The following TMBIM6 variants were observed in gnomAD, a reference collection of about 807,000 sequenced individuals.
TMBIM6 encodes transmembrane BAX inhibitor motif containing 6.
TMBIM6 carries 13 observed loss-of-function variants against 31.4 expected under a neutral mutation model. That is an observed-to-expected ratio of 0.41 (90% CI 0.27 to 0.66). The LOEUF is 0.66. Ranked by LOEUF, TMBIM6 falls within the 30% of genes least tolerant of loss-of-function variation. The pLI is 0.28. For missense variants in TMBIM6, 275 were observed against 289.5 expected (o/e 0.95, Z 0.36); for synonymous variants, 85 against 101.7 (o/e 0.84, Z 0.99).
At chr12:49,744,866 TTTAGGATTTTGGGGCCTTC>T (rs1273303686) in intron 1 of TMBIM6, among the ~76,000 whole-genome samples, 1 of 152,178 alleles carries the variant, frequency 6.6e-6, no homozygotes, top group Non-Finnish European at 1.5e-5. Context: ...AGATTATGTA[TTTAGGATTTTGGGGCCTTC>T]TTAGGATTCA....
At chr12:49,757,087 G>A (rs547802947) in intron 4 of TMBIM6, among the ~76,000 whole-genome samples, 143 of 151,880 alleles carry the variant, frequency 9.4e-4, no homozygotes, top group African/African-American at 3.1e-3. Flanking sequence ...GACTGGTCTC[G>A]AACTCCTGAC....
chr12:49,761,792 A>T lies in TMBIM6; in HGVS notation c.690+13A>T, dbSNP rs745332132. The T allele has an allele frequency of 2.5e-6, 4 of 1,613,630 alleles. No homozygotes were observed. The highest frequency in any genetic ancestry group is 3.4e-6 in the Non-Finnish European group (4 of 1,179,530). ...CATGAATGAAAAGGTTAGTTAGCCT[A>T]CAACCCAAAGATGAGACAATAATGG... On this transcript the variant is annotated intron_variant, in intron 9 of 9. Coordinates refer to ENST00000267115, the MANE Select transcript of TMBIM6 (RefSeq NM_003217.3).
rs1364017687 is a variant in TMBIM6, at chr12:49,763,367, TAACTC to T, written c.*473_*477del. On this transcript the variant is annotated 3_prime_UTR_variant, in exon 10 of 10. Coordinates refer to ENST00000267115, the MANE Select transcript of TMBIM6 (RefSeq NM_003217.3). ...GAAAGAAGTTCAGTGGTCCCATTGTTAACTCAGCCTCAAATCTCAACTGTCAGGCC... is the reference window on the plus strand; with the variant it reads ...GAAAGAAGTTCAGTGGTCCCATTGTTAGCCTCAAATCTCAACTGTCAGGCC... 1 of 153,964 alleles carries T rather than the reference TAACTC, an allele frequency of 6.5e-6. No homozygotes were observed. The highest frequency in any genetic ancestry group is 2.4e-5 in the African/African-American group (1 of 41,488). 9.5% of individuals were successfully genotyped at this position (153,964 alleles called of 1,614,324 possible).
intron 1 of TMBIM6, among the ~76,000 whole-genome samples, chr12:49,746,802 C>T (rs932211513): frequency 6.6e-6 from 1 of 152,134 alleles, no homozygotes; most frequent in African/African-American, 2.4e-5. Flanking sequence ...AAAAAAACTA[C>T]TGACAAATTA....
rs116927027 is a variant in TMBIM6 at position 49,754,020 on chromosome 12, G to A, written c.165+939G>A. 4.9e-3 allele frequency among the ~76,000 whole-genome samples: 735 copies of A among 151,546 alleles called. 10 individuals are homozygous for A. The East Asian group carries it at 0.054, about 11-fold the overall frequency. On this transcript the variant is annotated intron_variant, in intron 3 of 9. Coordinates refer to ENST00000267115, the MANE Select transcript of TMBIM6 (RefSeq NM_003217.3). ...GGTGAAAAAGTTGAGTCACCCTGCT[G>A]TTGCAGTGTTTTCAGCTGAGGTTGA...
chr12:49,745,735 A>AAAAAAAAAAAAAAAAC (rs375099364), intron 1 of TMBIM6, among the ~76,000 whole-genome samples: 8 of 150,502 alleles, frequency 5.3e-5, no homozygotes, highest in African/African-American at 7.5e-5. Context: ...AAAAAAAAAA[A>AAAAAAAAAAAAAAAAC]CCCAGCACAT....
In TMBIM6 at chr12:49,748,004, A is replaced by C. The variant is rs377302885; in HGVS notation, c.-30-4460A>C. 2.7e-4 allele frequency among the ~76,000 whole-genome samples: 41 copies of C among 152,224 alleles called. No individual in the cohort carries two copies. The East Asian group carries it at 7.9e-3, about 29-fold the overall frequency. On this transcript the variant is annotated intron_variant, in intron 1 of 9. Coordinates refer to ENST00000267115, the MANE Select transcript of TMBIM6 (RefSeq NM_003217.3). The stretch of plus-strand genomic sequence containing the variant: ...CTGCAACCTCCGCTTCCCTGGCTCA[A>C]GCGATTCTCCTGCCTCAGCCTCCTG...
chr12:49,742,114 A>C (rs1385193527), intron 1 of TMBIM6: 2 of 1,606,246 alleles, frequency 1.2e-6, no homozygotes, highest in African/African-American at 2.7e-5. Flanking sequence ...CCAAGACTCG[A>C]GGTAGGGCCT....
chr12:49,758,496 G>A lies in TMBIM6; in HGVS notation c.433+16G>A. 6.2e-7 allele frequency: 1 copy of A among 1,613,130 alleles called. No individual in the cohort carries two copies. The highest frequency in any genetic ancestry group is 1.1e-5 in the South Asian group (1 of 91,064). On this transcript the variant is annotated intron_variant, in intron 6 of 9. Transcript: ENST00000267115. ...TTTCTGGGAGGTAAGTGTGAACTGG[G>A]AAACAGGGAATGGGGGCTCCTTTTT...
At chr12:49,745,224 A>G (rs1389445136) in intron 1 of TMBIM6, among the ~76,000 whole-genome samples, 4 of 152,188 alleles carry the variant, frequency 2.6e-5, no homozygotes, top group African/African-American at 9.7e-5. Context: ...TACTTCATCA[A>G]ATCCTTTACC....
chr12:49,758,552 A>AC (rs930989930), intron 6 of TMBIM6, 72 bp downstream of exon 6: 5 of 1,556,814 alleles, frequency 3.2e-6, no homozygotes, highest in Admixed American at 1.7e-5. Flanking sequence ...CTCCTTCCTT[A>AC]CCCCTAACTC....
Position 49,764,405 on chromosome 12 carries a change from A to G in TMBIM6, c.*1509A>G, listed in dbSNP as rs1328645058. The G allele has an allele frequency of 6.6e-6, 1 of 152,232 alleles. No individual in the cohort carries two copies. Among genetic ancestry groups the G allele is most frequent in the Non-Finnish European group, 1.5e-5 (1 of 68,030 alleles). 9.4% of individuals were successfully genotyped at this position (152,232 alleles called of 1,614,324 possible). The stretch of plus-strand genomic sequence containing the variant: ...TCACAGTGCACCATGTCACTGTGCT[A>G]TCCTACGAAATCATTTGTTTCTAAG... On this transcript the variant is annotated 3_prime_UTR_variant, in exon 10 of 10. Coordinates refer to ENST00000267115, the MANE Select transcript of TMBIM6 (RefSeq NM_003217.3).
intron 3 of TMBIM6, among the ~76,000 whole-genome samples, chr12:49,754,164 G>T (rs1945546835): frequency 6.6e-6 from 1 of 152,084 alleles, no homozygotes; most frequent in South Asian, 2.1e-4. Flanking sequence ...ATTTTGCTGG[G>T]TTTTTTGAGT....
Position 49,758,308 on chromosome 12 carries a change from A to G in TMBIM6, c.335+33A>G, listed in dbSNP as rs1945644765. ...TTTTGGTAGTGTCTTATGTGCTTTT[A>G]TCTTTATGAATATACCTTCTAAATG... On this transcript the variant is annotated intron_variant, in intron 5 of 9. Coordinates refer to ENST00000267115, the MANE Select transcript of TMBIM6 (RefSeq NM_003217.3). 6.2e-6 allele frequency: 10 copies of G among 1,614,060 alleles called. No homozygotes were observed. The East Asian group carries it at 2.2e-4, about 36-fold the overall frequency.
At chr12:49,761,284 C>G (rs1051655355) in intron 8 of TMBIM6, among the ~76,000 whole-genome samples, 1 of 152,064 alleles carries the variant, frequency 6.6e-6, no homozygotes, top group African/African-American at 2.4e-5. Flanking sequence ...ACTGTCATGG[C>G]TTACTGTAGA....
rs1010393576 is a variant in TMBIM6, at chr12:49,761,898, C to T, written c.690+119C>T. ...TGTTAGGTCCAGGGTAACTGTAAGG[C>T]AGGCCACTGAGTAAGAGGTAAGCCA... On this transcript the variant is annotated intron_variant, in intron 9 of 9. Coordinates refer to ENST00000267115, the MANE Select transcript of TMBIM6 (RefSeq NM_003217.3). 4.0e-5 allele frequency: 37 copies of T among 934,380 alleles called. No individual in the cohort carries two copies. In the African/African-American group the frequency reaches 5.9e-4, roughly 15 times the overall value. 57.9% of individuals were successfully genotyped at this position (934,380 alleles called of 1,614,324 possible).
At chr12:49,749,693 C>G (rs1945460966) in intron 1 of TMBIM6, 1 of 152,214 alleles carries the variant, frequency 6.6e-6, no homozygotes. Flanking sequence ...CTCGGCCTCC[C>G]AAAGTACTGG....
intron 1 of TMBIM6, chr12:49,742,344 A>G: frequency 1.3e-6 from 2 of 1,507,854 alleles, no homozygotes; most frequent in South Asian, 1.3e-5. Context: ...TCTGCTCAGC[A>G]AGGGCGTCGT....
At chr12:49,745,650 A>G (rs528754987) in intron 1 of TMBIM6, among the ~76,000 whole-genome samples, 6 of 151,530 alleles carry the variant, frequency 4.0e-5, no homozygotes, top group Admixed American at 6.6e-5. Flanking sequence ...ACTTGAACCC[A>G]GGAGGCAGAG....
Sources: allele counts gnomAD v4.1 joint callset (sites outside exome capture counted in the v4.1 genomes callset), GRCh38; gene constraint gnomAD v4.1.1; transcripts MANE v1.5; gene names NCBI Gene and HGNC (gene_info 2026-07-23, HGNC 2026-07-21).